Variants in MED17 observed in about 807,000 individuals in gnomAD.
The protein encoded by MED17 is mediator complex subunit 17.
MED17 carries 49 observed loss-of-function variants against 80.8 expected under a neutral mutation model. That is an observed-to-expected ratio of 0.61 (90% CI 0.48 to 0.77). The LOEUF is 0.77. Ranked by LOEUF, MED17 falls within the 30% of genes least tolerant of loss-of-function variation. The probability of loss-of-function intolerance (pLI) is 0.00; values close to 1 mark genes in which losing one functional copy is unlikely to be tolerated. For synonymous variants in MED17, 281 were observed against 280.4 expected (o/e 1.00, Z -0.02); for missense variants, 718 against 787.0 (o/e 0.91, Z 1.05).
At chr11:93,811,613 C>G (rs1310146176) in intron 11 of MED17, 2 of 526,038 alleles carry the variant, frequency 3.8e-6, no homozygotes, top group East Asian at 6.6e-5. Flanking sequence ...TAGGTCAAAA[C>G]TCACCTTGCT....
chr11:93,788,167 G>T lies in MED17; in HGVS notation c.417G>T (p.Gln139His). The T allele has an allele frequency of 6.2e-7, 1 of 1,610,892 alleles. No homozygotes were observed. Among genetic ancestry groups the T allele is most frequent in the Non-Finnish European group, 8.5e-7 (1 of 1,177,656 alleles). Residue 139 changes from glutamine (Q) to histidine (H), a missense_variant and splice_region_variant, in exon 2 of 12, where the codon CAG (glutamine) becomes CAT (histidine). Coordinates refer to ENST00000251871, the MANE Select transcript of MED17 (RefSeq NM_004268.5). ...CTCAGGATGCACTTCCTCCAAAACA[G>T]GTATTTGTGGACTTTAATTGAATAA... is the stretch of plus-strand genomic sequence containing the variant. Reference protein sequence around the residue: ...PVSQDALPPKQNPQTLQLISK... With the variant: ...PVSQDALPPKHNPQTLQLISK...
chr11:93,790,029 T>C (rs1013226451), intron 2 of MED17, among the ~76,000 whole-genome samples: 3 of 152,232 alleles, frequency 2.0e-5, no homozygotes, highest in African/African-American at 7.2e-5. Context: ...TATGGTAAGA[T>C]GCAAAATATG....
intron 8 of MED17, 66 bp downstream of exon 8, chr11:93,797,785 T>G: frequency 2.1e-6 from 3 of 1,412,334 alleles, no homozygotes; most frequent in Non-Finnish European, 3.0e-6. Flanking sequence ...CTTCTGTTAT[T>G]TCATAACACT....
Position 93,784,362 on chromosome 11 carries a change from A to T in MED17, c.-152A>T. ...TTGCTGGGCCAGCTCCTTTGTTTCC[A>T]GTCTGAGCGTTGCGTTCGGTTTCCC... is the stretch of plus-strand genomic sequence containing the variant. On this transcript the variant is annotated 5_prime_UTR_variant, in exon 1 of 12. Transcript: ENST00000251871. 2 of 992,754 alleles carry T rather than the reference A, an allele frequency of 2.0e-6. No homozygotes were observed. The highest frequency in any genetic ancestry group is 1.4e-6 in the Non-Finnish European group (1 of 697,630). The allele number at this position is 992,754 out of a possible 1,614,324, so 61.5% of individuals were successfully genotyped here.
chr11:93,794,880 A>G, intron 5 of MED17, 28 bp from the exon 6 acceptor site: 1 of 1,610,784 alleles, frequency 6.2e-7, no homozygotes, highest in African/African-American at 1.3e-5. Flanking sequence ...TGGTTAGATA[A>G]TTGATACATA....
intron 2 of MED17, 74 bp downstream of exon 2, chr11:93,788,241 G>C: frequency 1.6e-6 from 2 of 1,266,680 alleles, no homozygotes; most frequent in Non-Finnish European, 2.2e-6. Flanking sequence ...CTTTGTGCCT[G>C]TTGTTCCATT....
intron 10 of MED17, chr11:93,809,236 C>T: frequency 7.5e-6 from 2 of 267,030 alleles, no homozygotes; most frequent in South Asian, 8.8e-5. Flanking sequence ...CCTAGACAAC[C>T]TCACAGGGAG....
chr11:93,797,336 G>C, intron 7 of MED17, 199 bp from the exon 8 acceptor site: 1 of 583,320 alleles, frequency 1.7e-6, no homozygotes, highest in Non-Finnish European at 3.0e-6. Context: ...AAAAGTTACA[G>C]CTTGAGAGCG....
chr11:93,803,999 G>GTATATATATATATATATATATA (rs1166820708), intron 9 of MED17, among the ~76,000 whole-genome samples: 1 of 27,130 alleles, frequency 3.7e-5, no homozygotes, highest in Non-Finnish European at 9.2e-5. Context: ...ATATGTGTGT[G>GTATATATATATATATATATATA]TATATATATA....
intron 1 of MED17, among the ~76,000 whole-genome samples, chr11:93,785,834 T>C (rs1943763590): frequency 6.6e-6 from 1 of 152,148 alleles, no homozygotes; most frequent in Non-Finnish European, 1.5e-5. Context: ...AGGGAGCTCC[T>C]GCCTCTACAA....
chr11:93,796,649 C>T (rs1367022828), intron 7 of MED17, 109 bp downstream of exon 7: 1 of 1,223,258 alleles, frequency 8.2e-7, no homozygotes, highest in Admixed American at 1.7e-5. Flanking sequence ...ATAGCAACAA[C>T]ATTCACTGTC....
chr11:93,799,560 C>T (rs1227096568), intron 8 of MED17, among the ~76,000 whole-genome samples: 2 of 151,942 alleles, frequency 1.3e-5, no homozygotes, highest in Non-Finnish European at 2.9e-5. Flanking sequence ...TGGGCAGATC[C>T]CTCAAGTCCA....
intron 9 of MED17, among the ~76,000 whole-genome samples, chr11:93,805,284 TA>T (rs1944011838): frequency 6.6e-6 from 1 of 152,224 alleles, no homozygotes; most frequent in Non-Finnish European, 1.5e-5. Flanking sequence ...CCTACAAGTA[TA>T]ATTGCTGGGT....
Position 93,790,805 on chromosome 11 carries a change from T to C in MED17, c.637+12T>C, listed in dbSNP as rs1435699763. On this transcript the variant is annotated intron_variant, in intron 3 of 11. Transcript: ENST00000251871. Reference sequence around the variant, plus strand: ...CTACAGAAGTGCAGGTATGAATAATTATTAAAAACTATACTTTCTGGCCAG... The same window carrying C: ...CTACAGAAGTGCAGGTATGAATAATCATTAAAAACTATACTTTCTGGCCAG... 3 of 1,607,472 alleles carry C rather than the reference T, an allele frequency of 1.9e-6. No homozygotes were observed. The African/African-American group carries it at 4.0e-5, about 21-fold the overall frequency.
At chr11:93,792,905 C>T (rs1475001722) in intron 3 of MED17, among the ~76,000 whole-genome samples, 1 of 152,064 alleles carries the variant, frequency 6.6e-6, no homozygotes, top group Non-Finnish European at 1.5e-5. Context: ...TACACCACCA[C>T]ACTGCAGCCT....
chr11:93,805,871 G>A (rs1370468830), intron 9 of MED17, among the ~76,000 whole-genome samples: 1 of 152,120 alleles, frequency 6.6e-6, no homozygotes, highest in African/African-American at 2.4e-5. Flanking sequence ...GGCTGAGGCG[G>A]GAGGATCACT....
chr11:93,794,922 C>T lies in MED17; in HGVS notation c.874C>T (p.Gln292Ter), dbSNP rs1229276906. ...PKSKPGSPHWQTKLEAAQNVL... is the reference protein window; with the variant it reads ...PKSKPGSPHW ...TTGTCTTTCAGGTTCCCCACATTGG[C>T]AGACAAAATTAGAAGCGGCACAGAA... The change falls in exon 6 of 12, where the codon CAG (glutamine) becomes TAG (stop). Residue 292 changes from glutamine (Q) to a stop codon, truncating the protein, a stop_gained. Transcript: ENST00000251871. LOFTEE classifies it high-confidence loss of function. The T allele has an allele frequency of 6.2e-7, 1 of 1,613,992 alleles. No homozygotes were observed. Among genetic ancestry groups the T allele is most frequent in the African/African-American group, 1.3e-5 (1 of 74,910 alleles).
intron 8 of MED17, among the ~76,000 whole-genome samples, chr11:93,800,345 G>T (rs1416472470): frequency 2.0e-5 from 3 of 151,792 alleles, no homozygotes; most frequent in African/African-American, 7.3e-5. Context: ...ATTTTGAGGT[G>T]AGGCGTGGCA....
chr11:93,803,379 G>A (rs1943983188), intron 9 of MED17, among the ~76,000 whole-genome samples: 1 of 152,148 alleles, frequency 6.6e-6, no homozygotes, highest in African/African-American at 2.4e-5. Context: ...CAGATGCAGA[G>A]TATGAAAGAA....
Sources: gnomAD v4.1 joint callset for allele counts (sites outside exome capture counted in the v4.1 genomes callset) on GRCh38, gnomAD v4.1.1 for gene constraint, MANE v1.5 for transcripts, NCBI Gene and HGNC (gene_info 2026-07-23, HGNC 2026-07-21) for gene names.